TSGA10: variants seen among roughly 807,000 people sequenced by gnomAD.
The protein encoded by TSGA10 is testis-specific gene 10 protein.
In TSGA10, 43 loss-of-function variants were observed where a neutral mutation model predicts 96.6. The ratio of observed to expected loss-of-function variants is 0.44; its 90% confidence interval spans 0.35 to 0.57. TSGA10 has a LOEUF of 0.57. Ranked by LOEUF, TSGA10 falls within the 20% of genes least tolerant of loss-of-function variation. The probability of loss-of-function intolerance (pLI) is 0.01; values close to 1 mark genes in which losing one functional copy is unlikely to be tolerated. For synonymous variants in TSGA10, 229 were observed against 269.9 expected (o/e 0.85, Z 1.48); for missense variants, 703 against 834.4 (o/e 0.84, Z 1.94).
chr2:99,078,521 AT>A, intron 12 of TSGA10, 137 bp downstream of exon 12: 1 of 838,008 alleles, frequency 1.2e-6, no homozygotes, highest in South Asian at 2.1e-5. Context: ...TCAAAGTCAG[AT>A]TTTGAAGTTC....
At chr2:99,129,115 A>C (rs1016531694) in intron 1 of TSGA10, among the ~76,000 whole-genome samples, 4 of 152,138 alleles carry the variant, frequency 2.6e-5, no homozygotes, top group African/African-American at 9.7e-5. Flanking sequence ...TATTTTCTCC[A>C]TTTAACTTAA....
intron 20 of TSGA10, among the ~76,000 whole-genome samples, chr2:99,015,471 G>A (rs1432227208): frequency 2.0e-5 from 3 of 152,068 alleles, no homozygotes; most frequent in Non-Finnish European, 4.4e-5. Flanking sequence ...CAGCAAAATT[G>A]GTATAGGAGG....
intron 10 of TSGA10, 96 bp downstream of exon 10, chr2:99,103,871 T>C (rs1393092317): frequency 1.4e-6 from 2 of 1,412,542 alleles, no homozygotes; most frequent in East Asian, 2.4e-5. Context: ...TCTCAGAAAC[T>C]GAACTCAACA....
intron 15 of TSGA10, among the ~76,000 whole-genome samples, chr2:99,068,066 G>A (rs750628519): frequency 6.6e-6 from 1 of 152,046 alleles, no homozygotes. Flanking sequence ...TTAAAATCAG[G>A]AAGTGTAGGA....
chr2:99,010,320 T>C (rs2078897225), intron 20 of TSGA10, among the ~76,000 whole-genome samples: 1 of 152,206 alleles, frequency 6.6e-6, no homozygotes, highest in South Asian at 2.1e-4. Flanking sequence ...AGATTCACTG[T>C]AGGAATATAC....
intron 4 of TSGA10, among the ~76,000 whole-genome samples, chr2:99,115,059 A>G (rs1403651198): frequency 1.3e-5 from 2 of 152,114 alleles, no homozygotes; most frequent in African/African-American, 4.8e-5. Flanking sequence ...CAGCCTCCCA[A>G]GTAGCTGGGA....
chr2:99,069,508 A>G (rs1574031391), intron 14 of TSGA10, among the ~76,000 whole-genome samples: 1 of 152,180 alleles, frequency 6.6e-6, no homozygotes, highest in East Asian at 1.9e-4. Context: ...ATGTCTATTT[A>G]CATTTTTTTA....
intron 14 of TSGA10, 44 bp from the exon 15 acceptor site, chr2:99,069,042 A>G (rs1213364063): frequency 1.9e-6 from 2 of 1,051,234 alleles, no homozygotes; most frequent in African/African-American, 1.7e-5. Flanking sequence ...AAAATAAAAA[A>G]TTTCTATATC....
At chr2:99,150,620 T>G in intron 1 of TSGA10, 2 of 1,614,042 alleles carry the variant, frequency 1.2e-6, no homozygotes, top group Non-Finnish European at 1.7e-6. Context: ...GATTCAAAAG[T>G]GGATGATCAC....
At chr2:99,088,059 C>T (rs931638350) in intron 10 of TSGA10, among the ~76,000 whole-genome samples, 1 of 152,176 alleles carries the variant, frequency 6.6e-6, no homozygotes, top group Non-Finnish European at 1.5e-5. Flanking sequence ...CAACCTTTCT[C>T]ACATGGGGTT....
chr2:99,126,082 A>G (rs995672662), intron 2 of TSGA10: 3 of 152,352 alleles, frequency 2.0e-5, no homozygotes, highest in Non-Finnish European at 2.9e-5. Context: ...GCCTTCTCTG[A>G]TATCACCCTG....
chr2:99,009,026 G>A lies in TSGA10; in HGVS notation c.2072+9174C>T, dbSNP rs532648521. Among the ~76,000 whole-genome samples the A allele has an allele frequency of 1.3e-3, 194 of 152,250 alleles. 1 individual carries two copies. The highest frequency in any genetic ancestry group is 2.4e-3 in the Non-Finnish European group (161 of 68,022). On this transcript the variant is annotated intron_variant, in intron 20 of 20. Transcript: ENST00000393483. ...TGGAGGCATGGCTGATGGGATGGAAGGCATAAAGAGAAAGTGACACTTCTC... is the reference window on the plus strand; with the variant it reads ...TGGAGGCATGGCTGATGGGATGGAAAGCATAAAGAGAAAGTGACACTTCTC...
rs762667564 is a variant in TSGA10, at chr2:99,127,092, C to A, written c.-536G>T. On this transcript the variant is annotated 5_prime_UTR_variant, in exon 2 of 21. Transcript: ENST00000393483. ...ATGAATCTATCTTGGTTTCTCACTT[C>A]TTGTTCTAGCTGGAGAGTATTCTGG... 2.3e-6 allele frequency: 3 copies of A among 1,289,662 alleles called. No homozygotes were observed. The South Asian group carries it at 3.7e-5, about 16-fold the overall frequency. The allele number at this position is 1,289,662 out of a possible 1,614,324, so 79.9% of individuals were successfully genotyped here.
chr2:99,150,875 T>C lies in TSGA10; in HGVS notation c.-621+3818A>G, dbSNP rs368152150. ...TTACCAAAGAAACCAAAAACTGCCT[T>C]TGACTAAGGGGGGTGTTGAAAGAGA... On this transcript the variant is annotated intron_variant, in intron 1 of 20. Coordinates refer to ENST00000393483, the MANE Select transcript of TSGA10 (RefSeq NM_025244.4). The C allele has an allele frequency of 2.4e-5, 32 of 1,343,206 alleles. No individual in the cohort carries two copies. The South Asian group carries it at 4.4e-4, about 18-fold the overall frequency. The allele number at this position is 1,343,206 out of a possible 1,614,324, so 83.2% of individuals were successfully genotyped here.
intron 16 of TSGA10, among the ~76,000 whole-genome samples, chr2:99,053,878 G>A (rs1344851549): frequency 6.6e-6 from 1 of 151,990 alleles, no homozygotes; most frequent in Non-Finnish European, 1.5e-5. Flanking sequence ...GAAAGAAATT[G>A]AAGAAGACAC....
At chr2:99,082,583 C>T (rs966874599) in intron 10 of TSGA10, among the ~76,000 whole-genome samples, 2 of 151,828 alleles carry the variant, frequency 1.3e-5, no homozygotes, top group African/African-American at 4.9e-5. Flanking sequence ...ATTTGGTTCC[C>T]GATTGGTCAT....
intron 1 of TSGA10, among the ~76,000 whole-genome samples, chr2:99,136,519 C>CTTCTACTTCTTCAAAAAA (rs1280297152): frequency 5.0e-5 from 5 of 99,062 alleles, no homozygotes; most frequent in African/African-American, 1.2e-4. Flanking sequence ...GTATTTCTGC[C>CTTCTACTTCTTCAAAAAA]GGGCGCGGTG....
chr2:99,077,852 G>A (rs565036779), intron 12 of TSGA10, among the ~76,000 whole-genome samples: 20 of 151,800 alleles, frequency 1.3e-4, no homozygotes, highest in Middle Eastern at 3.4e-3. Flanking sequence ...GTGAGCCACC[G>A]CACCCGGCCT....
At chr2:99,081,729 T>C (rs1233919561) in intron 10 of TSGA10, among the ~76,000 whole-genome samples, 3 of 152,152 alleles carry the variant, frequency 2.0e-5, no homozygotes, top group South Asian at 2.1e-4. Context: ...TAGGGTTTTA[T>C]GTTTTAATTC....
Sources: allele counts gnomAD v4.1 joint callset (sites outside exome capture counted in the v4.1 genomes callset), GRCh38; gene constraint gnomAD v4.1.1; transcripts MANE v1.5; gene names NCBI Gene and HGNC (gene_info 2026-07-23, HGNC 2026-07-21).